Variants in DLGAP2 observed in about 807,000 individuals in gnomAD.
DLGAP2 encodes disks large-associated protein 2.
Under a neutral mutation model 100.3 loss-of-function variants are expected in DLGAP2, and 26 were observed. The observed-to-expected ratio is 0.26, with a 90% confidence interval of 0.19 to 0.36. The LOEUF (loss-of-function observed/expected upper bound fraction) is 0.36, where lower values mean the gene tolerates loss of function less well. DLGAP2 is among the 10% of genes least tolerant of loss of function. DLGAP2 has a pLI of 1.00. For missense variants in DLGAP2, 1,858 were observed against 1,453.2 expected (o/e 1.28, Z -4.53); for synonymous variants, 886 against 630.1 (o/e 1.41, Z -6.08).
At chr8:1,364,591 G>A (rs1430056621) in intron 3 of DLGAP2, among the ~76,000 whole-genome samples, 2 of 152,182 alleles carry the variant, frequency 1.3e-5, no homozygotes, top group African/African-American at 4.8e-5. Flanking sequence ...CATCTTCGCA[G>A]CAGGGGCCGG....
intron 1 of DLGAP2, among the ~76,000 whole-genome samples, chr8:898,117 C>T (rs986169965): frequency 6.6e-6 from 1 of 152,172 alleles, no homozygotes; most frequent in Non-Finnish European, 1.5e-5. Flanking sequence ...GATACCCGTA[C>T]AAGTGGGCAG....
chr8:828,493 C>T (rs1015118359), intron 1 of DLGAP2, among the ~76,000 whole-genome samples: 18 of 152,228 alleles, frequency 1.2e-4, no homozygotes, highest in African/African-American at 3.9e-4. Context: ...GGTTATCTCT[C>T]TTATTCCCTG....
rs73174756 is a variant in DLGAP2 at position 1,637,675 on chromosome 8, C to T, written c.1810+4629C>T. ...AGAAAAGATCAAATTACATTTATGT[C>T]GTAAGCATTTATTAAGTGTTTGCTG... On this transcript the variant is annotated intron_variant, in intron 8 of 14. Coordinates refer to ENST00000637795, the MANE Select transcript of DLGAP2 (RefSeq NM_001346810.2). Among the ~76,000 whole-genome samples, 789 of 152,320 alleles carry T rather than the reference C, an allele frequency of 5.2e-3. 2 individuals are homozygous for T. Among genetic ancestry groups the T allele is most frequent in the Middle Eastern group, 0.01 (3 of 294 alleles).
In DLGAP2 at chr8:1,057,760, G is replaced by C. The variant is rs189967184; in HGVS notation, c.73+149794G>C. 1.6e-4 allele frequency among the ~76,000 whole-genome samples: 25 copies of C among 152,232 alleles called. No homozygotes were observed. The East Asian group carries it at 4.6e-3, about 28-fold the overall frequency. On this transcript the variant is annotated intron_variant, in intron 2 of 14. Transcript: ENST00000637795. ...ATGTTCATTGATACTAACACCAGAGGTTAAAATGTGTTACCAAGAGAACAA... is the reference window on the plus strand; with the variant it reads ...ATGTTCATTGATACTAACACCAGAGCTTAAAATGTGTTACCAAGAGAACAA...
chr8:957,625 G>A (rs2129009163), intron 2 of DLGAP2, among the ~76,000 whole-genome samples: 1 of 152,248 alleles, frequency 6.6e-6, no homozygotes, highest in East Asian at 1.9e-4. Flanking sequence ...TCTTAGTGTT[G>A]AAATAGTCAA....
chr8:1,283,940 C>T (rs564521340), intron 3 of DLGAP2, among the ~76,000 whole-genome samples: 2 of 152,244 alleles, frequency 1.3e-5, no homozygotes, highest in African/African-American at 4.8e-5. Flanking sequence ...GAGCGTCCAT[C>T]TGTAGCTAAA....
At chr8:1,567,479 C>T (rs1371347746) in intron 6 of DLGAP2, among the ~76,000 whole-genome samples, 1 of 152,186 alleles carries the variant, frequency 6.6e-6, no homozygotes, top group Non-Finnish European at 1.5e-5. Flanking sequence ...CATGAAAAAA[C>T]CAAAGCCTTT....
chr8:859,174 C>G (rs1797342528), intron 1 of DLGAP2, among the ~76,000 whole-genome samples: 1 of 150,592 alleles, frequency 6.6e-6, no homozygotes, highest in Admixed American at 6.6e-5. Flanking sequence ...TGCAGTGGCG[C>G]AATCTCAGCT....
intron 3 of DLGAP2, among the ~76,000 whole-genome samples, chr8:1,470,590 T>C (rs533113370): frequency 2.0e-5 from 3 of 152,272 alleles, no homozygotes; most frequent in African/African-American, 7.2e-5. Flanking sequence ...ATATTTGATG[T>C]TTGACTAAAT....
intron 2 of DLGAP2, among the ~76,000 whole-genome samples, chr8:1,211,851 G>C (rs913270644): frequency 6.6e-6 from 1 of 152,228 alleles, no homozygotes; most frequent in Non-Finnish European, 1.5e-5. Flanking sequence ...CTCCAGCCTG[G>C]ATGACAGAGC....
chr8:1,417,512 C>T (rs764982010), intron 3 of DLGAP2, among the ~76,000 whole-genome samples: 1 of 152,196 alleles, frequency 6.6e-6, no homozygotes, highest in Non-Finnish European at 1.5e-5. Context: ...CCAGGGCAGG[C>T]ATAGTACATA....
At chr8:1,451,690 C>A (rs1368180815) in intron 3 of DLGAP2, among the ~76,000 whole-genome samples, 1 of 152,172 alleles carries the variant, frequency 6.6e-6, no homozygotes, top group Non-Finnish European at 1.5e-5. Context: ...CCCTTCTCAG[C>A]CATCACACAG....
At chr8:1,538,210 A>G (rs1393679827) in intron 4 of DLGAP2, among the ~76,000 whole-genome samples, 1 of 151,756 alleles carries the variant, frequency 6.6e-6, no homozygotes, top group Non-Finnish European at 1.5e-5. Flanking sequence ...TTCATTCTCA[A>G]TTCTCTCTTC....
chr8:1,281,784 G>A (rs1255521447), intron 3 of DLGAP2, among the ~76,000 whole-genome samples: 12 of 152,194 alleles, frequency 7.9e-5, no homozygotes, highest in East Asian at 1.9e-4. Flanking sequence ...GAACAGAGGC[G>A]TGGAGGGACG....
At chr8:805,093 AGACACTTACCT>A (rs1796242764) in intron 1 of DLGAP2, among the ~76,000 whole-genome samples, 1 of 152,154 alleles carries the variant, frequency 6.6e-6, no homozygotes, top group Non-Finnish European at 1.5e-5. Flanking sequence ...TAAAAGCTCT[AGACACTTACCT>A]GACTGATTCG....
At chr8:1,344,087 C>CTCGGGGCCCTGTTGTGGGTCCATGTAT (rs1563094893) in intron 3 of DLGAP2, among the ~76,000 whole-genome samples, 4 of 142,426 alleles carry the variant, frequency 2.8e-5, no homozygotes, top group Non-Finnish European at 5.9e-5. Flanking sequence ...AAATGTCGTA[C>CTCGGGGCCCTGTTGTGGGTCCATGTAT]TCGGGGCCCT....
At chr8:773,872 A>T (rs1466845251) in intron 1 of DLGAP2, among the ~76,000 whole-genome samples, 1 of 152,084 alleles carries the variant, frequency 6.6e-6, no homozygotes, top group African/African-American at 2.4e-5. Flanking sequence ...CAGTAATGGG[A>T]TGGCTGGGTC....
At chr8:1,216,824 G>C (rs1011589539) in intron 2 of DLGAP2, among the ~76,000 whole-genome samples, 1 of 152,028 alleles carries the variant, frequency 6.6e-6, no homozygotes, top group East Asian at 1.9e-4. Context: ...CCTAATCAGG[G>C]AATGAGTTCT....
intron 1 of DLGAP2, among the ~76,000 whole-genome samples, chr8:761,298 A>T (rs954601671): frequency 6.6e-6 from 1 of 150,706 alleles, no homozygotes; most frequent in Non-Finnish European, 1.5e-5. Flanking sequence ...TTCTTTCTGA[A>T]CTCCTTTACT....
Sources: gnomAD v4.1 joint callset for allele counts (sites outside exome capture counted in the v4.1 genomes callset) on GRCh38, gnomAD v4.1.1 for gene constraint, MANE v1.5 for transcripts, NCBI Gene and HGNC (gene_info 2026-07-23, HGNC 2026-07-21) for gene names.